Variants in PKHD1 observed in about 807,000 individuals in gnomAD.
PKHD1 encodes fibrocystin.
In PKHD1, 291 loss-of-function variants were observed where a neutral mutation model predicts 412.0. That is an observed-to-expected ratio of 0.71 (90% CI 0.64 to 0.78). PKHD1 has a LOEUF of 0.78. PKHD1 is among the 30% of genes least tolerant of loss of function. The pLI, the probability that PKHD1 is intolerant of heterozygous loss-of-function variation, is 0.00. For synonymous variants in PKHD1, 1,777 were observed against 1,821.5 expected (o/e 0.98, Z 0.62); for missense variants, 4,825 against 4,950.7 (o/e 0.97, Z 0.76).
intron 55 of PKHD1, among the ~76,000 whole-genome samples, chr6:51,765,718 T>C (rs932346177): frequency 1.3e-5 from 2 of 152,148 alleles, no homozygotes; most frequent in Non-Finnish European, 2.9e-5. Context: ...CTGTATTTGT[T>C]TGAGTATCGT....
chr6:51,765,515 C>A (rs1295014041), intron 55 of PKHD1, among the ~76,000 whole-genome samples: 1 of 152,110 alleles, frequency 6.6e-6, no homozygotes, highest in Non-Finnish European at 1.5e-5. Context: ...CCCCTACCCC[C>A]ACCCTAGGCC....
chr6:51,966,631 G>C (rs1216310304), intron 35 of PKHD1, among the ~76,000 whole-genome samples: 2 of 152,108 alleles, frequency 1.3e-5, no homozygotes, highest in African/African-American at 2.4e-5. Flanking sequence ...TTTTGTTACA[G>C]ACTCTTTTCA....
At chr6:52,041,420 A>G (rs1223350023) in intron 27 of PKHD1, among the ~76,000 whole-genome samples, 4 of 152,188 alleles carry the variant, frequency 2.6e-5, no homozygotes. Flanking sequence ...CCAGGACCAC[A>G]CTTTAAGGAC....
intron 11 of PKHD1, among the ~76,000 whole-genome samples, chr6:52,067,867 G>C (rs1809987926): frequency 6.6e-6 from 1 of 152,138 alleles, no homozygotes; most frequent in Non-Finnish European, 1.5e-5. Context: ...GAATAGGAAG[G>C]AACCATGCAT....
At chr6:51,751,681 A>C (rs1349631594) in intron 57 of PKHD1, among the ~76,000 whole-genome samples, 2 of 152,220 alleles carry the variant, frequency 1.3e-5, no homozygotes, top group Non-Finnish European at 2.9e-5. Context: ...ATATTTATTA[A>C]GTACCTAATG....
At chr6:51,914,166 C>T (rs912169728) in intron 37 of PKHD1, among the ~76,000 whole-genome samples, 3 of 152,120 alleles carry the variant, frequency 2.0e-5, no homozygotes, top group African/African-American at 7.2e-5. Flanking sequence ...TATCAACATG[C>T]AAGCTACGCA....
At chr6:52,037,502 C>A (rs1804140859) in intron 27 of PKHD1, among the ~76,000 whole-genome samples, 1 of 152,046 alleles carries the variant, frequency 6.6e-6, no homozygotes, top group Admixed American at 6.5e-5. Context: ...AGAACAATAA[C>A]CCCATTAGAA....
chr6:52,038,399 G>C (rs1199698957), intron 27 of PKHD1, among the ~76,000 whole-genome samples: 1 of 151,884 alleles, frequency 6.6e-6, no homozygotes, highest in South Asian at 2.1e-4. Flanking sequence ...AAGTTGGCAG[G>C]GGTGTGCAAG....
rs146550270 is a variant in PKHD1, at chr6:51,748,540, C to T, written c.9076G>A (p.Gly3026Arg). ...ISSTLHQSCG[G>R]GIHAAASHGV... is the part of the protein sequence containing the mutation. ...TGACTGGCAGCTGCATGAATGCCCC[C>T]GCCACAGCTCTGGTGCAGAGTAGAT... Residue 3026 changes from glycine to arginine, a missense_variant, in exon 58 of 67, where the codon GGG (glycine) becomes AGG (arginine). Physicochemically the swap from Gly to Arg is moderately radical, Grantham distance 125. Transcript: ENST00000371117. 24 of 1,613,572 alleles carry T rather than the reference C, an allele frequency of 1.5e-5. No individual in the cohort carries two copies. In the African/African-American group the frequency reaches 2.0e-4, roughly 13 times the overall value.
At chr6:51,844,230 C>G (rs139757587) in intron 50 of PKHD1, among the ~76,000 whole-genome samples, 123 of 152,284 alleles carry the variant, frequency 8.1e-4, no homozygotes, top group African/African-American at 2.9e-3. Context: ...AACAAAGCCA[C>G]TGAGGCATGG....
rs146536378 is a variant in PKHD1 at position 51,974,760 on chromosome 6, C to T, written c.5752-14734G>A. On this transcript the variant is annotated intron_variant, in intron 35 of 66. Transcript: ENST00000371117. ...CTATACACATTGGGTACAGTGCACA[C>T]TGTTTGAGTGATGGGTGCACCAAAA... 2.6e-5 allele frequency among the ~76,000 whole-genome samples: 4 copies of T among 152,282 alleles called. No individual in the cohort carries two copies. The East Asian group carries it at 7.7e-4, about 29-fold the overall frequency.
At position 51,632,197 on chromosome 6, in the gene PKHD1, G is replaced by A. The variant is rs193039807; in HGVS notation, c.11665+368C>T. Among the ~76,000 whole-genome samples, 69 of 152,084 alleles carry A rather than the reference G, an allele frequency of 4.5e-4. 1 individual carries two copies. The highest frequency in any genetic ancestry group is 1.5e-3 in the African/African-American group (61 of 41,506). On this transcript the variant is annotated intron_variant, in intron 65 of 66. Transcript: ENST00000371117. ...AACCTCAGGTGATCCACCCACCTCT[G>A]CCTCCCAAAGTGCTGGTTTCCCCTG...
intron 60 of PKHD1, among the ~76,000 whole-genome samples, chr6:51,666,649 T>G (rs1773841071): frequency 1.3e-5 from 2 of 150,900 alleles, no homozygotes; most frequent in South Asian, 4.2e-4. Context: ...ACCCACTAAC[T>G]CGTCATCTAG....
intron 31 of PKHD1, among the ~76,000 whole-genome samples, chr6:52,027,021 G>C (rs1046975065): frequency 1.3e-5 from 2 of 152,108 alleles, no homozygotes; most frequent in Non-Finnish European, 2.9e-5. Flanking sequence ...TGGTCTATTT[G>C]TCTTGTTCTT....
rs66492359 is a variant in PKHD1 at position 51,883,399 on chromosome 6, CTAA to C, written c.7216-175_7216-173del. Among the ~76,000 whole-genome samples the C allele has an allele frequency of 0.14, 21,358 of 152,102 alleles. 1,642 individuals carry two copies. The highest frequency in any genetic ancestry group is 0.19 in the Non-Finnish European group (12,828 of 67,950). ...TCCTCAAGTTGCTGTGAGGTCAGCA[CTAA>C]TGAGTCTCCTTTGGTAACACCCCTT... is the stretch of plus-strand genomic sequence containing the variant. On this transcript the variant is annotated intron_variant, in intron 45 of 66. Coordinates refer to ENST00000371117, the MANE Select transcript of PKHD1 (RefSeq NM_138694.4).
chr6:51,842,045 G>A lies in PKHD1; in HGVS notation c.8108-5576C>T, dbSNP rs1770300451. On this transcript the variant is annotated intron_variant, in intron 50 of 66. Transcript: ENST00000371117. The stretch of plus-strand genomic sequence containing the variant: ...TAGGCAACTTGGCACACACAATAAA[G>A]TCCATCTGCCTTTCCATGCACAGCC... 1.3e-5 allele frequency among the ~76,000 whole-genome samples: 2 copies of A among 152,226 alleles called. 1 individual carries two copies. The highest frequency in any genetic ancestry group is 2.9e-5 in the Non-Finnish European group (2 of 68,042).
chr6:52,034,452 C>T (rs1164496028), intron 28 of PKHD1, among the ~76,000 whole-genome samples: 1 of 151,788 alleles, frequency 6.6e-6, no homozygotes, highest in Non-Finnish European at 1.5e-5. Context: ...TGTTTATGTT[C>T]TCTGGTAAAA....
In PKHD1 at chr6:52,030,888, A is replaced by AT. The variant is rs1237879902; in HGVS notation, c.3364+2141dup. On this transcript the variant is annotated intron_variant, in intron 29 of 66. Coordinates refer to ENST00000371117, the MANE Select transcript of PKHD1 (RefSeq NM_138694.4). ...AATTTAAATGGCTAAAAATATGCTT[A>AT]TTTTGGCTACGCTGAAAACAAGTGG... Among the ~76,000 whole-genome samples, 6 of 152,286 alleles carry AT rather than the reference A, an allele frequency of 3.9e-5. No homozygotes were observed. The South Asian group carries it at 1.2e-3, about 32-fold the overall frequency.
chr6:51,782,119 T>C (rs1322171567), intron 53 of PKHD1, among the ~76,000 whole-genome samples: 2 of 151,950 alleles, frequency 1.3e-5, no homozygotes, highest in African/African-American at 4.8e-5. Flanking sequence ...TATGGATTCA[T>C]GAATCAAAAG....
Sources: allele counts gnomAD v4.1 joint callset (sites outside exome capture counted in the v4.1 genomes callset), GRCh38; gene constraint gnomAD v4.1.1; transcripts MANE v1.5; gene names NCBI Gene and HGNC (gene_info 2026-07-23, HGNC 2026-07-21).